The following SLCO1B1 variants were observed in gnomAD, a reference collection of about 807,000 sequenced individuals.
SLCO1B1 encodes solute carrier organic anion transporter family member 1B1.
Under a neutral mutation model 70.1 loss-of-function variants are expected in SLCO1B1, and 81 were observed. The ratio of observed to expected loss-of-function variants is 1.16; its 90% CI spans 0.97 to 1.39. The LOEUF (loss-of-function observed/expected upper bound fraction) is 1.39, where lower values mean the gene tolerates loss of function less well. Ranked by LOEUF, SLCO1B1 falls within the 40% of genes most tolerant of loss-of-function variation. The pLI is 0.00. For missense variants in SLCO1B1, 895 were observed against 799.6 expected (o/e 1.12, Z -1.44); for synonymous variants, 283 against 271.5 (o/e 1.04, Z -0.42).
intron 1 of SLCO1B1, among the ~76,000 whole-genome samples, chr12:21,134,292 C>A (rs925898056): frequency 3.3e-5 from 5 of 152,056 alleles, no homozygotes; most frequent in East Asian, 3.9e-4. Flanking sequence ...GTCTAAAATT[C>A]TCTTTTTTTG....
intron 1 of SLCO1B1, among the ~76,000 whole-genome samples, chr12:21,135,063 CT>C (rs1940198610): frequency 2.0e-5 from 3 of 152,162 alleles, no homozygotes; most frequent in Admixed American, 1.3e-4. Flanking sequence ...CAAAGAACAT[CT>C]TTATTTATGC....
chr12:21,215,634 C>G (rs1014441282), intron 11 of SLCO1B1, among the ~76,000 whole-genome samples: 1 of 152,022 alleles, frequency 6.6e-6, no homozygotes, highest in Non-Finnish European at 1.5e-5. Flanking sequence ...TCTATATTCA[C>G]CAGGGATATT....
At chr12:21,211,708 G>C (rs925932920) in intron 11 of SLCO1B1, among the ~76,000 whole-genome samples, 2 of 152,108 alleles carry the variant, frequency 1.3e-5, no homozygotes, top group African/African-American at 2.4e-5. Flanking sequence ...TTTTTGGTTG[G>C]TAAGCTACTG....
intron 2 of SLCO1B1, chr12:21,164,914 G>A: frequency 2.3e-6 from 1 of 435,144 alleles, no homozygotes; most frequent in East Asian, 6.7e-5. Flanking sequence ...TTGGTTTATT[G>A]CTGCTGAAGA....
chr12:21,208,575 T>C (rs1941240856), intron 11 of SLCO1B1, among the ~76,000 whole-genome samples: 1 of 152,120 alleles, frequency 6.6e-6, no homozygotes, highest in Admixed American at 6.6e-5. Context: ...GCCTCTCACT[T>C]TGTTCTTTAT....
chr12:21,225,505 A>G (rs1213554225), intron 14 of SLCO1B1, among the ~76,000 whole-genome samples: 2 of 152,218 alleles, frequency 1.3e-5, no homozygotes, highest in African/African-American at 4.8e-5. Context: ...TAAAACTCAT[A>G]GTATAATTTC....
intron 2 of SLCO1B1, among the ~76,000 whole-genome samples, chr12:21,158,992 G>C (rs1233283210): frequency 6.6e-6 from 1 of 151,970 alleles, no homozygotes; most frequent in African/African-American, 2.4e-5. Flanking sequence ...CCATAATTCT[G>C]TCTAATACTT....
At chr12:21,148,581 G>T (rs749559728) in intron 2 of SLCO1B1, among the ~76,000 whole-genome samples, 12 of 151,714 alleles carry the variant, frequency 7.9e-5, no homozygotes, top group Non-Finnish European at 1.5e-4. Context: ...TATCTGTTTT[G>T]GTAAAAGTAC....
intron 3 of SLCO1B1, among the ~76,000 whole-genome samples, chr12:21,174,354 A>G (rs1342761402): frequency 6.6e-6 from 1 of 152,140 alleles, no homozygotes; most frequent in Non-Finnish European, 1.5e-5. Flanking sequence ...ATAAAATTTT[A>G]CTTCACTAAT....
intron 2 of SLCO1B1, among the ~76,000 whole-genome samples, chr12:21,143,669 G>C (rs1486055732): frequency 2.0e-5 from 3 of 151,974 alleles, no homozygotes; most frequent in Non-Finnish European, 4.4e-5. Flanking sequence ...TCTGAACTCA[G>C]GCAATCTGAT....
chr12:21,235,220 A>G (rs1268254793), intron 14 of SLCO1B1, among the ~76,000 whole-genome samples: 2 of 150,892 alleles, frequency 1.3e-5, no homozygotes, highest in Non-Finnish European at 2.9e-5. Flanking sequence ...TATAAATATG[A>G]TTGCTTCAGT....
chr12:21,200,892 A>G (rs12319308), intron 9 of SLCO1B1, among the ~76,000 whole-genome samples: 4,276 of 152,202 alleles, frequency 0.028, 210 homozygotes, highest in African/African-American at 0.094. Context: ...AGTTCCTGAA[A>G]AAAATGTTGC....
At chr12:21,187,982 T>G (rs1591813831) in intron 7 of SLCO1B1, among the ~76,000 whole-genome samples, 1 of 152,166 alleles carries the variant, frequency 6.6e-6, no homozygotes, top group Non-Finnish European at 1.5e-5. Flanking sequence ...AACAAATTGT[T>G]ATTAGGCAAT....
In SLCO1B1 at chr12:21,178,704, C is replaced by T. The variant is rs767379248; in HGVS notation, c.610C>T (p.His204Tyr). ...CATTGATGATTTCGCTAAAGAAGGA[C>T]ATTCTTCTTTGTATTTAGGTAATGT... is the stretch of plus-strand genomic sequence containing the variant. ...SYIDDFAKEGHSSLYLGILNA... is the reference protein window; with the variant it reads ...SYIDDFAKEGYSSLYLGILNA... The change falls in exon 6 of 15, where the codon CAT (histidine) becomes TAT (tyrosine). Residue 204 changes from histidine to tyrosine, a missense_variant. Physicochemically the swap from His to Tyr is moderately conservative, Grantham distance 83. Transcript: ENST00000256958. 34 of 1,602,122 alleles carry T rather than the reference C, an allele frequency of 2.1e-5. No homozygotes were observed. Among genetic ancestry groups the T allele is most frequent in the Non-Finnish European group, 2.7e-5 (32 of 1,169,280 alleles).
chr12:21,161,188 T>G (rs1191013502), intron 2 of SLCO1B1, among the ~76,000 whole-genome samples: 1 of 152,110 alleles, frequency 6.6e-6, no homozygotes, highest in African/African-American at 2.4e-5. Flanking sequence ...TATAAATCAT[T>G]CTACTATAAA....
In SLCO1B1 at chr12:21,195,584, C is replaced by A. The variant is rs548594511; in HGVS notation, c.728-1362C>A. Among the ~76,000 whole-genome samples, 19 of 152,224 alleles carry A rather than the reference C, an allele frequency of 1.2e-4. 1 individual carries two copies. The South Asian group carries it at 3.9e-3, about 32-fold the overall frequency. Reference sequence around the variant, plus strand: ...AGCATATGCCTAGCCCCAAGATAGGCAAGACAATGACCAGCTGCTGGAGTT... The same window carrying A: ...AGCATATGCCTAGCCCCAAGATAGGAAAGACAATGACCAGCTGCTGGAGTT... On this transcript the variant is annotated intron_variant, in intron 7 of 14. Coordinates refer to ENST00000256958, the MANE Select transcript of SLCO1B1 (RefSeq NM_006446.5).
In SLCO1B1 at chr12:21,196,946, G is replaced by T; in HGVS notation, c.728G>T (p.Ser243Ile). Residue 243 changes from serine (S) to isoleucine (I), a missense_variant and splice_region_variant, in exon 8 of 15, where the codon AGC (serine) becomes ATC (isoleucine). Transcript: ENST00000256958. ...MYVDIGYVDL[S>I]TIRITPTDSR... is the part of the protein sequence containing the mutation. Reference sequence around the variant, plus strand: ...TGGCTTCTATAATTATTTATTCTAGGCACTATCAGGATAACTCCTACTGAT... The same window carrying T: ...TGGCTTCTATAATTATTTATTCTAGTCACTATCAGGATAACTCCTACTGAT... The T allele has an allele frequency of 6.2e-7, 1 of 1,612,896 alleles. No homozygotes were observed. The highest frequency in any genetic ancestry group is 8.5e-7 in the Non-Finnish European group (1 of 1,179,276).
At position 21,155,661 on chromosome 12, in the gene SLCO1B1, C is replaced by A. The variant is rs1165328421; in HGVS notation, c.84+14003C>A. Among the ~76,000 whole-genome samples the A allele has an allele frequency of 2.6e-5, 4 of 152,210 alleles. No homozygotes were observed. In the East Asian group the frequency reaches 7.7e-4, roughly 29 times the overall value. On this transcript the variant is annotated intron_variant, in intron 2 of 14. Coordinates refer to ENST00000256958, the MANE Select transcript of SLCO1B1 (RefSeq NM_006446.5). ...AAGGATAGAACTCTGTCATTGTGAACCCTGAAAGCTCAGAAAAAGGGGAGG... is the reference window on the plus strand; with the variant it reads ...AAGGATAGAACTCTGTCATTGTGAAACCTGAAAGCTCAGAAAAAGGGGAGG...
rs1430448985 is a variant in SLCO1B1, at chr12:21,219,245, A to C, written c.1682+1942A>C. ...GAAAATAGGCAAGAGATACTAGTTCAGATATGGTGCTTTGGAAGTCCTTTG... is the reference window on the plus strand; with the variant it reads ...GAAAATAGGCAAGAGATACTAGTTCCGATATGGTGCTTTGGAAGTCCTTTG... On this transcript the variant is annotated intron_variant, in intron 12 of 14. Coordinates refer to ENST00000256958, the MANE Select transcript of SLCO1B1 (RefSeq NM_006446.5). 6.6e-5 allele frequency among the ~76,000 whole-genome samples: 10 copies of C among 152,350 alleles called. No homozygotes were observed. The South Asian group carries it at 1.5e-3, about 22-fold the overall frequency.
Sources: allele counts gnomAD v4.1 joint callset (sites outside exome capture counted in the v4.1 genomes callset), GRCh38; gene constraint gnomAD v4.1.1; transcripts MANE v1.5; gene names NCBI Gene and HGNC (gene_info 2026-07-23, HGNC 2026-07-21).